The following HNRNPM variants were observed in gnomAD, a reference collection of about 807,000 sequenced individuals.
HNRNPM encodes heterogeneous nuclear ribonucleoprotein M.
HNRNPM carries 11 observed loss-of-function variants against 73.1 expected under a neutral mutation model. That is an observed-to-expected ratio of 0.15 (90% CI 0.09 to 0.25). The LOEUF is 0.25. Ranked by LOEUF, HNRNPM falls within the 10% of genes least tolerant of loss-of-function variation. The pLI is 1.00. For missense variants in HNRNPM, 789 were observed against 1,067.9 expected (o/e 0.74, Z 3.64); for synonymous variants, 407 against 355.2 (o/e 1.15, Z -1.64).
At chr19:8,487,099 A>G (rs915534231) in intron 15 of HNRNPM, 24 bp downstream of exon 15, 14 of 1,601,742 alleles carry the variant, frequency 8.7e-6, no homozygotes, top group Non-Finnish European at 1.2e-5. Context: ...ACGGCTTTGT[A>G]GGTGCTTCCC....
intron 1 of HNRNPM, among the ~76,000 whole-genome samples, chr19:8,454,673 G>GCCCCC (rs58635160): frequency 2.9e-5 from 3 of 103,034 alleles, no homozygotes; most frequent in Admixed American, 1.2e-4. Context: ...ATCATTTTAT[G>GCCCCC]CCCCCCCCCC....
intron 2 of HNRNPM, among the ~76,000 whole-genome samples, chr19:8,459,494 A>G (rs765475893): frequency 1.3e-5 from 2 of 152,116 alleles, no homozygotes; most frequent in African/African-American, 4.8e-5. Context: ...CCCTCGCCCA[A>G]TAGAGTGGCA....
intron 9 of HNRNPM, 115 bp downstream of exon 9, chr19:8,468,949 C>A (rs1969949173): frequency 3.8e-6 from 3 of 796,884 alleles, no homozygotes; most frequent in Non-Finnish European, 6.5e-6. Flanking sequence ...GTTCTCTTGG[C>A]CAGTTCTTTT....
intron 12 of HNRNPM, among the ~76,000 whole-genome samples, chr19:8,480,984 G>A (rs568017068): frequency 6.6e-6 from 1 of 152,314 alleles, no homozygotes; most frequent in South Asian, 2.1e-4. Flanking sequence ...AGGTGATCTC[G>A]TCAGGTTCTC....
intron 9 of HNRNPM, among the ~76,000 whole-genome samples, chr19:8,470,001 A>G (rs911643550): frequency 3.9e-5 from 6 of 152,260 alleles, no homozygotes; most frequent in African/African-American, 1.4e-4. Flanking sequence ...TAACATACTC[A>G]TTTCCCAAAT....
At chr19:8,451,722 G>C (rs911225022) in intron 1 of HNRNPM, among the ~76,000 whole-genome samples, 3 of 151,998 alleles carry the variant, frequency 2.0e-5, no homozygotes, top group African/African-American at 7.3e-5. Flanking sequence ...GTAGGGACAC[G>C]GTTTTGCCAT....
chr19:8,488,973 G>A lies in HNRNPM; in HGVS notation c.*119G>A, dbSNP rs1971514623. On this transcript the variant is annotated 3_prime_UTR_variant, in exon 16 of 16. Coordinates refer to ENST00000325495, the MANE Select transcript of HNRNPM (RefSeq NM_005968.5). ...TTTAAAAAATTCAGTTGCTTTTTGG[G>A]GTAATTTGAATTACTTTTTTAATGA... The A allele has an allele frequency of 2.1e-6, 2 of 946,412 alleles. No homozygotes were observed. The highest frequency in any genetic ancestry group is 2.0e-5 in the South Asian group (1 of 49,560). 58.6% of individuals were successfully genotyped at this position (946,412 alleles called of 1,614,324 possible). A position where few individuals can be genotyped will look rare whatever the true frequency, so the allele number is the denominator to read the frequency against.
At chr19:8,469,647 G>A (rs1201199942) in intron 9 of HNRNPM, among the ~76,000 whole-genome samples, 1 of 152,228 alleles carries the variant, frequency 6.6e-6, no homozygotes, top group East Asian at 1.9e-4. Flanking sequence ...TAAGCCAGAG[G>A]CTGGAAGCAA....
chr19:8,460,069 C>CTA (rs1969295843), intron 2 of HNRNPM, among the ~76,000 whole-genome samples: 1 of 152,154 alleles, frequency 6.6e-6, no homozygotes, highest in East Asian at 1.9e-4. Flanking sequence ...AAGACTGCTG[C>CTA]TACTGCCAAG....
At chr19:8,455,798 G>C (rs1968971734) in intron 2 of HNRNPM, among the ~76,000 whole-genome samples, 1 of 151,548 alleles carries the variant, frequency 6.6e-6, no homozygotes, top group Non-Finnish European at 1.5e-5. Flanking sequence ...TGTCAAACAG[G>C]ATGGTTTGTA....
At chr19:8,448,570 C>T (rs1348255249) in intron 1 of HNRNPM, among the ~76,000 whole-genome samples, 2 of 151,236 alleles carry the variant, frequency 1.3e-5, no homozygotes, top group African/African-American at 2.4e-5. Flanking sequence ...AACCGCTTCC[C>T]GGGTTCACGC....
chr19:8,485,513 C>T (rs1321626716), intron 13 of HNRNPM, 90 bp from the exon 14 acceptor site: 8 of 1,276,506 alleles, frequency 6.3e-6, no homozygotes, highest in Non-Finnish European at 8.8e-6. Flanking sequence ...TACCCCTGAT[C>T]CATGCCCATG....
chr19:8,452,439 A>G (rs754535564), intron 1 of HNRNPM, among the ~76,000 whole-genome samples: 1 of 152,158 alleles, frequency 6.6e-6, no homozygotes, highest in Non-Finnish European at 1.5e-5. Context: ...GTCATTTTCC[A>G]GGAAAGAGTA....
intron 12 of HNRNPM, among the ~76,000 whole-genome samples, chr19:8,477,420 G>C (rs1257954777): frequency 6.6e-6 from 1 of 152,150 alleles, no homozygotes; most frequent in East Asian, 1.9e-4. Context: ...CACTTTGGGA[G>C]GCTGAGGCAG....
chr19:8,458,992 A>G (rs1969210758), intron 2 of HNRNPM, among the ~76,000 whole-genome samples: 1 of 152,316 alleles, frequency 6.6e-6, no homozygotes, highest in Admixed American at 6.5e-5. Context: ...GCTGGAATGA[A>G]GTGGTGTGAT....
intron 12 of HNRNPM, among the ~76,000 whole-genome samples, chr19:8,481,804 G>A (rs1033906819): frequency 1.3e-4 from 20 of 152,110 alleles, no homozygotes; most frequent in Admixed American, 1.0e-3. Context: ...CAGGCATGCC[G>A]GGCAGGATCG....
chr19:8,480,640 G>A (rs1970847599), intron 12 of HNRNPM, among the ~76,000 whole-genome samples: 1 of 151,620 alleles, frequency 6.6e-6, no homozygotes, highest in African/African-American at 2.4e-5. Flanking sequence ...TCTAGCCTGG[G>A]CGACAGAGTG....
chr19:8,479,772 A>AATTTTT (rs1491516635), intron 12 of HNRNPM, among the ~76,000 whole-genome samples: 1 of 41,596 alleles, frequency 2.4e-5, no homozygotes, highest in African/African-American at 9.0e-5. Context: ...AAAAAAAAAA[A>AATTTTT]TTTTTTTTTT....
At chr19:8,472,985 T>C (rs934780037) in intron 10 of HNRNPM, among the ~76,000 whole-genome samples, 1 of 152,224 alleles carries the variant, frequency 6.6e-6, no homozygotes, top group Non-Finnish European at 1.5e-5. Flanking sequence ...TGTTTAATAC[T>C]GCCTAACTTG....
Sources: gnomAD v4.1 joint callset for allele counts (sites outside exome capture counted in the v4.1 genomes callset) on GRCh38, gnomAD v4.1.1 for gene constraint, MANE v1.5 for transcripts, NCBI Gene and HGNC (gene_info 2026-07-23, HGNC 2026-07-21) for gene names.